The following PSTPIP1 variants were observed in gnomAD, a reference collection of about 807,000 sequenced individuals.
PSTPIP1 encodes the protein proline-serine-threonine phosphatase-interacting protein 1.
A neutral mutation model predicts 69.6 loss-of-function variants in PSTPIP1; 66 were observed. The ratio of observed to expected loss-of-function variants is 0.95; its 90% confidence interval spans 0.78 to 1.16. PSTPIP1 has a LOEUF of 1.16. Ranked by LOEUF, PSTPIP1 falls within the 50% of genes most tolerant of loss-of-function variation. PSTPIP1 has a pLI of 0.00. For synonymous variants in PSTPIP1, 266 were observed against 222.7 expected, an observed-to-expected ratio of 1.19 and a Z score of -1.73; for missense variants, 603 against 557.4, an observed-to-expected ratio of 1.08 and a Z score of -0.82.
In PSTPIP1 at chr15:77,035,925, A is replaced by C. The variant is rs1448101738; in HGVS notation, c.1109A>C (p.Tyr370Ser). 6.2e-7 allele frequency: 1 copy of C among 1,604,182 alleles called. No homozygotes were observed. Among genetic ancestry groups the C allele is most frequent in the African/African-American group, 1.3e-5 (1 of 74,774 alleles). Residue 370 changes from tyrosine to serine, a missense_variant, in exon 14 of 15, where the codon TAT becomes TCT. Transcript: ENST00000558012. ...PAQEYRALYD[Y>S]TAQNPDELDL... is the part of the protein sequence containing the mutation. Reference sequence around the variant, plus strand: ...CAGGAGTACCGGGCGCTCTACGATTATACAGCGCAGGTGAGGCCTCTATAC... The same window carrying C: ...CAGGAGTACCGGGCGCTCTACGATTCTACAGCGCAGGTGAGGCCTCTATAC...
intron 14 of PSTPIP1, 149 bp from the exon 15 acceptor site, chr15:77,036,896 A>ACCCCCATCCTGTGTCC (rs981546575): frequency 3.9e-6 from 4 of 1,013,700 alleles, no homozygotes; most frequent in South Asian, 1.6e-5. Flanking sequence ...CCGTTGGGTT[A>ACCCCCATCCTGTGTCC]CCCCCATCCT....
In PSTPIP1 at chr15:77,018,105, G is replaced by A. The variant is rs368903832; in HGVS notation, c.37-43G>A. On this transcript the variant is annotated intron_variant, in intron 1 of 14. Transcript: ENST00000558012. ...TCCCCACAGGGCTGTGCTCAGTGTCGCCTGGTCGTGGCCCTCATGTGTCCT... is the reference window on the plus strand; with the variant it reads ...TCCCCACAGGGCTGTGCTCAGTGTCACCTGGTCGTGGCCCTCATGTGTCCT... The A allele has an allele frequency of 1.7e-5, 26 of 1,541,070 alleles. No individual in the cohort carries two copies. The East Asian group carries it at 4.1e-4, about 25-fold the overall frequency.
At chr15:77,008,843 G>A (rs779434097) in intron 1 of PSTPIP1, among the ~76,000 whole-genome samples, 21 of 152,286 alleles carry the variant, frequency 1.4e-4, no homozygotes, top group Non-Finnish European at 2.9e-4. Flanking sequence ...AAGTAGAGTC[G>A]TGTTTCTCCA....
chr15:76,997,553 A>T (rs1265274936), intron 1 of PSTPIP1, among the ~76,000 whole-genome samples: 1 of 152,208 alleles, frequency 6.6e-6, no homozygotes, highest in Non-Finnish European at 1.5e-5. Flanking sequence ...TCTTATTCAG[A>T]TGAGGAAATT....
Position 76,995,364 on chromosome 15 carries a change from T to C in PSTPIP1, c.-210T>C. ...TCCTTCCTCATTTTGCTGCTGATTC[T>C]AGCCCCAAACAAAACAGGTTGAGCT... On this transcript the variant is annotated 5_prime_UTR_variant, in exon 1 of 15. Coordinates refer to ENST00000558012, the MANE Select transcript of PSTPIP1 (RefSeq NM_003978.5). The C allele has an allele frequency of 7.0e-7, 1 of 1,435,234 alleles. No homozygotes were observed. Among genetic ancestry groups the C allele is most frequent in the South Asian group, 1.5e-5 (1 of 67,306 alleles). 88.9% of individuals were successfully genotyped at this position (1,435,234 alleles called of 1,614,324 possible).
In PSTPIP1 at chr15:76,995,610, G is replaced by A. The variant is rs2075560498; in HGVS notation, c.36+1G>A. The A allele has an allele frequency of 1.9e-6, 3 of 1,613,622 alleles. No homozygotes were observed. In the East Asian group the frequency reaches 6.7e-5, roughly 36 times the overall value. ...GCTGCAGTTCAAAGATGCCTTTTGG[G>A]TGAGTGAGGATGGTTGGGGGCACTG... On this transcript the variant is annotated splice_donor_variant, in intron 1 of 14. Transcript: ENST00000558012. LOFTEE classifies it high-confidence loss of function.
At position 76,995,448 on chromosome 15, in the gene PSTPIP1, G is replaced by A. The variant is rs2458253; in HGVS notation, c.-126G>A. The A allele has an allele frequency of 9.7e-5, 151 of 1,552,706 alleles. No individual in the cohort carries two copies. In the Admixed American group the frequency reaches 1.1e-3, roughly 11 times the overall value. ...TGGCTGCCTTCTGAGTGTTGCAGAC[G>A]GCGCCGGCCGGGAAGGGGGGCCTGG... On this transcript the variant is annotated 5_prime_UTR_variant, in exon 1 of 15. Transcript: ENST00000558012.
intron 3 of PSTPIP1, among the ~76,000 whole-genome samples, chr15:77,021,465 G>A (rs1033677186): frequency 4.6e-5 from 7 of 152,156 alleles, no homozygotes; most frequent in Admixed American, 6.5e-5. Flanking sequence ...GCTGACCTGA[G>A]GTCAGGAGTT....
chr15:77,012,212 T>G (rs2075956626), intron 1 of PSTPIP1, among the ~76,000 whole-genome samples: 1 of 107,010 alleles, frequency 9.3e-6, no homozygotes, highest in South Asian at 3.3e-4. Context: ...CATCCATCCG[T>G]CCACCCATCT....
chr15:77,020,630 C>A (rs911005634), intron 3 of PSTPIP1, among the ~76,000 whole-genome samples: 2 of 152,162 alleles, frequency 1.3e-5, no homozygotes, highest in Non-Finnish European at 2.9e-5. Context: ...AAGGGCTTTG[C>A]CATTCCTTAG....
intron 1 of PSTPIP1, among the ~76,000 whole-genome samples, chr15:76,996,690 T>C (rs1420061711): frequency 6.6e-6 from 1 of 152,182 alleles, no homozygotes; most frequent in African/African-American, 2.4e-5. Context: ...GACTGTACAG[T>C]AGGCAAAGGA....
In PSTPIP1 at chr15:77,025,066, T is replaced by C. The variant is rs112459298; in HGVS notation, c.213-218T>C. On this transcript the variant is annotated intron_variant, in intron 3 of 14. Transcript: ENST00000558012. ...CTTCTGCCACATTGCAGAGGGTTGA[T>C]TGCTTTAATTTGCAGAGAGCTTTGT... Among the ~76,000 whole-genome samples, 247 of 152,290 alleles carry C rather than the reference T, an allele frequency of 1.6e-3. 2 individuals carry two copies. The highest frequency in any genetic ancestry group is 5.2e-3 in the African/African-American group (217 of 41,558).
At chr15:77,016,404 G>A (rs2076053677) in intron 1 of PSTPIP1, among the ~76,000 whole-genome samples, 1 of 152,016 alleles carries the variant, frequency 6.6e-6, no homozygotes, top group African/African-American at 2.4e-5. Context: ...GAAGGGGAGG[G>A]CTGCTGGCTG....
In PSTPIP1 at chr15:76,995,453, C is replaced by G; in HGVS notation, c.-121C>G. 1 of 1,563,652 alleles carries G rather than the reference C, an allele frequency of 6.4e-7. No individual in the cohort carries two copies. The highest frequency in any genetic ancestry group is 8.6e-7 in the Non-Finnish European group (1 of 1,157,664). On this transcript the variant is annotated 5_prime_UTR_variant, in exon 1 of 15. Transcript: ENST00000558012. ...GCCTTCTGAGTGTTGCAGACGGCGC[C>G]GGCCGGGAAGGGGGGCCTGGGCCAG... is the stretch of plus-strand genomic sequence containing the variant.
rs1347184688 is a variant in PSTPIP1, at chr15:77,022,135, A to AT, written c.213-3142dup. The stretch of plus-strand genomic sequence containing the variant: ...TTTTCCTGTCAGAGAGATTTTTAAA[A>AT]TTTTTTTCATGGTCTCTCTTCCTCT... On this transcript the variant is annotated intron_variant, in intron 3 of 14. Coordinates refer to ENST00000558012, the MANE Select transcript of PSTPIP1 (RefSeq NM_003978.5). Among the ~76,000 whole-genome samples the AT allele has an allele frequency of 5.3e-5, 8 of 152,290 alleles. No individual in the cohort carries two copies. In the East Asian group the frequency reaches 5.8e-4, roughly 11 times the overall value.
intron 1 of PSTPIP1, among the ~76,000 whole-genome samples, chr15:77,005,136 C>T (rs1268944520): frequency 6.6e-6 from 1 of 152,154 alleles, no homozygotes; most frequent in African/African-American, 2.4e-5. Context: ...ATAATCCCAG[C>T]AGTTTGGGAG....
intron 4 of PSTPIP1, 47 bp downstream of exon 4, chr15:77,025,365 C>A: frequency 6.3e-7 from 1 of 1,586,784 alleles, no homozygotes. Flanking sequence ...GACTGCGAGG[C>A]TGGTGGAGGG....
intron 14 of PSTPIP1, among the ~76,000 whole-genome samples, chr15:77,036,301 G>A (rs543693641): frequency 1.3e-5 from 2 of 152,208 alleles, no homozygotes; most frequent in Non-Finnish European, 2.9e-5. Context: ...CACGTGCGGG[G>A]AGCTGGCAGA....
intron 4 of PSTPIP1, 77 bp from the exon 5 acceptor site, chr15:77,025,421 C>A (rs1596104853): frequency 6.3e-7 from 1 of 1,587,334 alleles, no homozygotes; most frequent in Non-Finnish European, 8.6e-7. Flanking sequence ...GCTGGGCTGG[C>A]CCACACGGGT....
Sources: gnomAD v4.1 joint callset for allele counts (sites outside exome capture counted in the v4.1 genomes callset) on GRCh38, gnomAD v4.1.1 for gene constraint, MANE v1.5 for transcripts, NCBI Gene and HGNC (gene_info 2026-07-23, HGNC 2026-07-21) for gene names.